The following OSBP2 variants were observed in gnomAD, a reference collection of about 807,000 sequenced individuals.
The protein encoded by OSBP2 is oxysterol binding protein 2, also known as oxysterol-binding protein 2.
In OSBP2, 66 loss-of-function variants were observed where a neutral mutation model predicts 96.0. That is an observed-to-expected ratio of 0.69 (90% CI 0.56 to 0.84). The LOEUF (loss-of-function observed/expected upper bound fraction) is 0.84. Among genes scored for constraint, OSBP2 ranks in the 40% least tolerant of loss-of-function variants. The pLI is 0.00. For missense variants in OSBP2, 1,038 were observed against 1,222.7 expected (o/e 0.85, Z 2.25); for synonymous variants, 525 against 520.9 (o/e 1.01, Z -0.11).
intron 1 of OSBP2, among the ~76,000 whole-genome samples, chr22:30,697,033 A>G (rs2089054274): frequency 6.6e-6 from 1 of 152,250 alleles, no homozygotes; most frequent in South Asian, 2.1e-4. Flanking sequence ...GCACTGGCCC[A>G]GTAGACGGTA....
intron 1 of OSBP2, among the ~76,000 whole-genome samples, chr22:30,719,837 A>C (rs1310353074): frequency 6.6e-6 from 1 of 152,146 alleles, no homozygotes; most frequent in Non-Finnish European, 1.5e-5. Flanking sequence ...CCTGGACAAC[A>C]TAGAACCCAT....
At chr22:30,782,798 C>T (rs2090535122) in intron 2 of OSBP2, among the ~76,000 whole-genome samples, 1 of 152,082 alleles carries the variant, frequency 6.6e-6, no homozygotes. Flanking sequence ...GAATGGCTGA[C>T]TCAGGGTACA....
chr22:30,883,316 G>T (rs2039740104), intron 3 of OSBP2, among the ~76,000 whole-genome samples: 1 of 152,228 alleles, frequency 6.6e-6, no homozygotes, highest in African/African-American at 2.4e-5. Flanking sequence ...ATCCCATCCT[G>T]TTCACCCTGT....
chr22:30,781,776 C>G (rs954141183), intron 2 of OSBP2, among the ~76,000 whole-genome samples: 1 of 152,166 alleles, frequency 6.6e-6, no homozygotes, highest in African/African-American at 2.4e-5. Context: ...CAGTGATTGT[C>G]CCAGCTGGAG....
chr22:30,902,369 G>A, intron 12 of OSBP2: 2 of 1,577,128 alleles, frequency 1.3e-6, no homozygotes, highest in Non-Finnish European at 1.7e-6. Context: ...AGAATTCGAT[G>A]AAGTGGATTC....
chr22:30,891,631 G>A (rs547304356), intron 8 of OSBP2, among the ~76,000 whole-genome samples: 1 of 152,280 alleles, frequency 6.6e-6, no homozygotes, highest in African/African-American at 2.4e-5. Flanking sequence ...GACACACGCA[G>A]GGGTGTGGTG....
intron 5 of OSBP2, 35 bp from the exon 6 acceptor site, chr22:30,889,142 T>C: frequency 6.2e-7 from 1 of 1,601,410 alleles, no homozygotes; most frequent in Non-Finnish European, 8.5e-7. Flanking sequence ...ACCTCGGGAT[T>C]CATTAGTAAC....
rs116445203 is a variant in OSBP2, at chr22:30,769,220, G to A, written c.853+27851G>A. 6.9e-3 allele frequency among the ~76,000 whole-genome samples: 1,044 copies of A among 152,356 alleles called. 10 individuals carry two copies. The highest frequency in any genetic ancestry group is 0.023 in the African/African-American group (964 of 41,580). On this transcript the variant is annotated intron_variant, in intron 2 of 13. Coordinates refer to ENST00000332585, the MANE Select transcript of OSBP2 (RefSeq NM_030758.4). ...GGGACACAAAATTTGGGATTCTGGC[G>A]TTGCTGTTGAGTCACTGTGTGAACT... is the stretch of plus-strand genomic sequence containing the variant.
At chr22:30,899,255 CTGTAGTACACATG>C (rs963493135) in intron 12 of OSBP2, among the ~76,000 whole-genome samples, 8 of 151,804 alleles carry the variant, frequency 5.3e-5, no homozygotes, top group Non-Finnish European at 1.0e-4. Flanking sequence ...GTAGTCCCAC[CTGTAGTACACATG>C]TGTAGTACAC....
At chr22:30,722,696 TTTTC>T (rs922639841) in intron 1 of OSBP2, among the ~76,000 whole-genome samples, 10 of 151,568 alleles carry the variant, frequency 6.6e-5, no homozygotes, top group Non-Finnish European at 1.0e-4. Flanking sequence ...CTTTCCTCTT[TTTTC>T]TTTCTTTCTC....
rs1190568712 is a variant in OSBP2 at position 30,751,616 on chromosome 22, A to G, written c.853+10247A>G. ...GTGATCCTCCTGCCTTGGCCTCCCA[A>G]AGTACTGGGATTACAGGCGTGAGCC... On this transcript the variant is annotated intron_variant, in intron 2 of 13. Transcript: ENST00000332585. Among the ~76,000 whole-genome samples the G allele has an allele frequency of 2.0e-5, 3 of 151,940 alleles. No individual in the cohort carries two copies. In the East Asian group the frequency reaches 5.8e-4, roughly 29 times the overall value.
intron 2 of OSBP2, among the ~76,000 whole-genome samples, chr22:30,822,299 A>G (rs2038290444): frequency 6.6e-6 from 1 of 152,168 alleles, no homozygotes; most frequent in Non-Finnish European, 1.5e-5. Context: ...TTAAAATGTG[A>G]CATTGAAGTG....
At chr22:30,753,085 A>AT (rs1319204477) in intron 2 of OSBP2, among the ~76,000 whole-genome samples, 1 of 151,848 alleles carries the variant, frequency 6.6e-6, no homozygotes, top group Non-Finnish European at 1.5e-5. Context: ...GGCACTTCGA[A>AT]TTTTTTTTCA....
chr22:30,770,881 C>G (rs923396939), intron 2 of OSBP2, among the ~76,000 whole-genome samples: 2 of 152,212 alleles, frequency 1.3e-5, no homozygotes, highest in African/African-American at 4.8e-5. Context: ...GTAAGAGGCT[C>G]TGGCACAGCT....
chr22:30,799,402 G>A (rs552795075), intron 2 of OSBP2, among the ~76,000 whole-genome samples: 12 of 152,236 alleles, frequency 7.9e-5, no homozygotes, highest in Non-Finnish European at 1.8e-4. Flanking sequence ...GGGATTACAG[G>A]CGTGAGCCGC....
chr22:30,791,758 T>C (rs1267672934), intron 2 of OSBP2, among the ~76,000 whole-genome samples: 3 of 152,156 alleles, frequency 2.0e-5, no homozygotes, highest in Admixed American at 6.5e-5. Context: ...TGGAAGAGTG[T>C]CTTAGCTAGG....
Position 30,907,349 on chromosome 22 carries a change from T to C in OSBP2, c.*1010T>C, listed in dbSNP as rs1172478877. ...TATATATATGAGATATATAAATATA[T>C]ATAAAATAGCTATTTTGCTTAAATT... On this transcript the variant is annotated 3_prime_UTR_variant, in exon 14 of 14. Transcript: ENST00000332585. 6.6e-6 allele frequency: 1 copy of C among 151,046 alleles called. No individual in the cohort carries two copies. The highest frequency in any genetic ancestry group is 2.4e-5 in the African/African-American group (1 of 41,208). 9.4% of individuals were successfully genotyped at this position (151,046 alleles called of 1,614,324 possible).
chr22:30,828,083 C>T (rs1237075197), intron 2 of OSBP2, among the ~76,000 whole-genome samples: 3 of 152,074 alleles, frequency 2.0e-5, no homozygotes, highest in African/African-American at 4.8e-5. Context: ...GCTGGGGACT[C>T]ACTTTCTGGG....
Position 30,890,669 on chromosome 22 carries a change from G to C in OSBP2, c.1624-59G>C. ...GTCCCTGAACATCCGAGAAAAGCAA[G>C]GGCACCATGCCAAGCCGGGGCTGGT... On this transcript the variant is annotated intron_variant, in intron 7 of 13. Coordinates refer to ENST00000332585, the MANE Select transcript of OSBP2 (RefSeq NM_030758.4). The surrounding 1 kb of genome is among the most constrained non-coding windows in gnomAD (Gnocchi z 4.4). 1 of 1,591,062 alleles carries C rather than the reference G, an allele frequency of 6.3e-7. No homozygotes were observed. The highest frequency in any genetic ancestry group is 8.5e-7 in the Non-Finnish European group (1 of 1,170,608).
Sources: allele counts gnomAD v4.1 joint callset (sites outside exome capture counted in the v4.1 genomes callset), GRCh38; gene constraint gnomAD v4.1.1; non-coding constraint Gnocchi (gnomAD v3.1); transcripts MANE v1.5; gene names NCBI Gene and HGNC (gene_info 2026-07-23, HGNC 2026-07-21).